MFAP1: variants seen among roughly 807,000 people sequenced by gnomAD.
MFAP1 encodes the protein microfibril associated protein 1.
MFAP1 carries 18 observed loss-of-function variants against 62.2 expected under a neutral mutation model. The observed-to-expected ratio is 0.29, with a 90% CI of 0.20 to 0.43. MFAP1 has a LOEUF of 0.43. MFAP1 is among the 20% of genes least tolerant of loss of function. MFAP1 has a pLI of 1.00. For synonymous variants in MFAP1, 175 were observed against 180.4 expected, an observed-to-expected ratio of 0.97 and a Z score of 0.24; for missense variants, 355 against 559.7, an observed-to-expected ratio of 0.63 and a Z score of 3.69.
chr15:43,808,830 GCTAGT>G (rs909715032), intron 7 of MFAP1, among the ~76,000 whole-genome samples: 17 of 152,340 alleles, frequency 1.1e-4, no homozygotes, highest in Admixed American at 9.8e-4. Context: ...ACTTGAAAAA[GCTAGT>G]CTAGTTTTTG....
At position 43,824,480 on chromosome 15, in the gene MFAP1, T is replaced by C; in HGVS notation, c.79+11A>G. 6.2e-7 allele frequency: 1 copy of C among 1,613,994 alleles called. No homozygotes were observed. ...TAAAATTCGACTGGGAAGAGGGTGT[T>C]AGCACCGTACCTTTCTCATTGCGAA... is the stretch of plus-strand genomic sequence containing the variant. On this transcript the variant is annotated intron_variant, in intron 1 of 8. Transcript: ENST00000267812.
At chr15:43,820,265 C>T (rs867866799) in intron 1 of MFAP1, among the ~76,000 whole-genome samples, 11 of 151,994 alleles carry the variant, frequency 7.2e-5, no homozygotes, top group African/African-American at 2.4e-4. Context: ...TGCAGTGAGC[C>T]GAGATCGCGC....
rs774903051 is a variant in MFAP1, at chr15:43,815,027, C to T, written c.347G>A (p.Ser116Asn). The change falls in exon 3 of 9, where the codon AGT (serine) becomes AAT (asparagine). Residue 116 changes from serine to asparagine, a missense_variant. Ser to Asn is a conservative substitution (Grantham distance 46, BLOSUM62 1). This residue lies in a region of MFAP1 where 257 missense variants were observed against 341.3 expected (regional missense o/e 0.75). Coordinates refer to ENST00000267812, the MANE Select transcript of MFAP1 (RefSeq NM_005926.3). Reference sequence around the variant, plus strand: ...AGCATCTCCTTCTACTTCTGAGTCACTCTCTCCTACCACTTCAGGTTCCAC... The same window carrying T: ...AGCATCTCCTTCTACTTCTGAGTCATTCTCTCCTACCACTTCAGGTTCCAC... ...KIVEPEVVGESDSEVEGDAWR... is the reference protein window; with the variant it reads ...KIVEPEVVGENDSEVEGDAWR... 10 of 1,614,106 alleles carry T rather than the reference C, an allele frequency of 6.2e-6. No homozygotes were observed. The African/African-American group carries it at 9.3e-5, about 15-fold the overall frequency.
chr15:43,814,064 A>G lies in MFAP1; in HGVS notation c.617+437T>C, dbSNP rs1489009224. Among the ~76,000 whole-genome samples, 7 of 152,108 alleles carry G rather than the reference A, an allele frequency of 4.6e-5. No homozygotes were observed. In the East Asian group the frequency reaches 1.4e-3, roughly 30 times the overall value. The stretch of plus-strand genomic sequence containing the variant: ...AGGTTGGGAGTTCGAGACCAGCCTG[A>G]CCAACATGGAAAAACCCCCTCTCTA... On this transcript the variant is annotated intron_variant, in intron 4 of 8. Transcript: ENST00000267812.
intron 7 of MFAP1, among the ~76,000 whole-genome samples, chr15:43,806,997 C>T (rs1341204381): frequency 6.6e-6 from 1 of 152,176 alleles, no homozygotes; most frequent in African/African-American, 2.4e-5. Flanking sequence ...CTGATGCTTT[C>T]TGCCTCCACT....
intron 1 of MFAP1, among the ~76,000 whole-genome samples, chr15:43,821,740 A>G (rs536761203): frequency 6.6e-6 from 1 of 152,328 alleles, no homozygotes; most frequent in East Asian, 1.9e-4. Context: ...CTGGACTGTA[A>G]GCTAACTTAT....
At chr15:43,815,149 C>A in intron 2 of MFAP1, 75 bp from the exon 3 acceptor site, 1 of 1,580,426 alleles carries the variant, frequency 6.3e-7, no homozygotes, top group African/African-American at 1.4e-5. Flanking sequence ...TCCATAGCCA[C>A]AGAGCACATT....
intron 1 of MFAP1, among the ~76,000 whole-genome samples, chr15:43,823,559 G>A (rs1187233997): frequency 1.3e-5 from 2 of 151,566 alleles, no homozygotes; most frequent in Non-Finnish European, 2.9e-5. Flanking sequence ...TGTATTTTTA[G>A]TAGAGACGGG....
intron 1 of MFAP1, among the ~76,000 whole-genome samples, chr15:43,818,874 AGAGT>A (rs927605678): frequency 2.0e-5 from 3 of 152,128 alleles, no homozygotes; most frequent in Admixed American, 6.6e-5. Context: ...CCTGAGTGAT[AGAGT>A]GAGACCCTGT....
intron 7 of MFAP1, among the ~76,000 whole-genome samples, chr15:43,807,725 T>A (rs1474580223): frequency 6.6e-6 from 1 of 152,176 alleles, no homozygotes; most frequent in African/African-American, 2.4e-5. Context: ...ATATAACATC[T>A]CTCTCGTCAG....
chr15:43,820,716 C>T (rs1334937787), intron 1 of MFAP1, among the ~76,000 whole-genome samples: 1 of 152,200 alleles, frequency 6.6e-6, no homozygotes, highest in Admixed American at 6.5e-5. Context: ...AACCATTCTC[C>T]TGCCTCAGCC....
chr15:43,823,439 C>T (rs1338471404), intron 1 of MFAP1, among the ~76,000 whole-genome samples: 2 of 150,904 alleles, frequency 1.3e-5, no homozygotes. Context: ...TGCAATGGTG[C>T]GATCTCTGCT....
chr15:43,809,761 G>A lies in MFAP1; in HGVS notation c.1041C>T (p.Phe347=), dbSNP rs2087387603. The A allele has an allele frequency of 1.9e-6, 3 of 1,613,372 alleles. No individual in the cohort carries two copies. Among genetic ancestry groups the A allele is most frequent in the Non-Finnish European group, 2.5e-6 (3 of 1,179,550 alleles). The change falls in exon 7 of 9, where the codon TTC becomes TTT. Residue 347 remains phenylalanine, a synonymous_variant. Coordinates refer to ENST00000267812, the MANE Select transcript of MFAP1 (RefSeq NM_005926.3). The part of the protein sequence containing the change: ...FLQKYYHRGA[F]FMDEDEEVYK... Reference sequence around the variant, plus strand: ...CTCTCTTTTCACTTCTTACCATGAAGAAGGCACCCCGGTGATAATACTTCT... The same window carrying A: ...CTCTCTTTTCACTTCTTACCATGAAAAAGGCACCCCGGTGATAATACTTCT...
chr15:43,824,376 G>A, intron 1 of MFAP1, 115 bp downstream of exon 1: 1 of 995,630 alleles, frequency 1.0e-6, no homozygotes, highest in Non-Finnish European at 1.5e-6. Context: ...GAAGAATCTG[G>A]CAGCCAGATC....
chr15:43,810,147 C>T (rs758234752), intron 6 of MFAP1: 21 of 432,888 alleles, frequency 4.9e-5, no homozygotes, highest in African/African-American at 2.0e-4. Flanking sequence ...GCCCTTCTGA[C>T]GTTCAGACAT....
At chr15:43,816,658 C>T (rs1024814954) in intron 2 of MFAP1, among the ~76,000 whole-genome samples, 2 of 152,096 alleles carry the variant, frequency 1.3e-5, no homozygotes, top group African/African-American at 4.8e-5. Context: ...GGCCCAGGAG[C>T]TCTGTGAAAA....
At chr15:43,810,558 G>A (rs866998779) in intron 6 of MFAP1, among the ~76,000 whole-genome samples, 2 of 151,766 alleles carry the variant, frequency 1.3e-5, no homozygotes, top group Non-Finnish European at 2.9e-5. Context: ...TAGTAGAGAC[G>A]GGGTTTCACC....
At chr15:43,816,716 ACT>A (rs1461137239) in intron 2 of MFAP1, among the ~76,000 whole-genome samples, 1 of 152,154 alleles carries the variant, frequency 6.6e-6, no homozygotes, top group African/African-American at 2.4e-5. Context: ...CTCCTGGCCT[ACT>A]CTATAAAGTA....
intron 6 of MFAP1, 116 bp from the exon 7 acceptor site, chr15:43,810,030 C>T (rs1261702919): frequency 4.0e-6 from 5 of 1,242,716 alleles, no homozygotes. Context: ...TAATTCTAGT[C>T]ATTGCCTATT....
Sources: gnomAD v4.1 joint callset for allele counts (sites outside exome capture counted in the v4.1 genomes callset) on GRCh38, gnomAD v4.1.1 for gene constraint, gnomAD v4.1.1 regional missense constraint, MANE v1.5 for transcripts, NCBI Gene and HGNC (gene_info 2026-07-23, HGNC 2026-07-21) for gene names.